Variants in TCF7L1 observed in about 807,000 individuals in gnomAD.
TCF7L1 encodes the protein transcription factor 7-like 1.
TCF7L1 carries 18 observed loss-of-function variants against 63.7 expected under a neutral mutation model. That is an observed-to-expected ratio of 0.28 (90% CI 0.20 to 0.42). The LOEUF (loss-of-function observed/expected upper bound fraction) is 0.42, where lower values mean the gene tolerates loss of function less well. TCF7L1 is among the 10% of genes least tolerant of loss of function. The probability of loss-of-function intolerance (pLI) is 1.00; values close to 1 mark genes in which losing one functional copy is unlikely to be tolerated. For synonymous variants in TCF7L1, 355 were observed against 340.9 expected (o/e 1.04, Z -0.46); for missense variants, 654 against 779.3 (o/e 0.84, Z 1.91).
intron 3 of TCF7L1, among the ~76,000 whole-genome samples, chr2:85,225,495 C>G (rs568870040): frequency 3.3e-5 from 5 of 152,144 alleles, no homozygotes; most frequent in Non-Finnish European, 5.9e-5. Flanking sequence ...CCCTTCACAT[C>G]CTTTGTAAAT....
intron 3 of TCF7L1, among the ~76,000 whole-genome samples, chr2:85,165,370 C>T (rs906987284): frequency 4.8e-5 from 7 of 144,442 alleles, no homozygotes; most frequent in African/African-American, 1.7e-4. Flanking sequence ...TGAACAAGCC[C>T]AGCCTTAAAT....
intron 3 of TCF7L1, among the ~76,000 whole-genome samples, chr2:85,266,694 T>TA (rs1338781607): frequency 9.2e-5 from 14 of 152,286 alleles, no homozygotes; most frequent in African/African-American, 3.4e-4. Context: ...CTGCATGCCT[T>TA]ACGGCTTATC....
In TCF7L1 at chr2:85,133,732, G is replaced by T; in HGVS notation, c.48G>T (p.Gly16=). The T allele has an allele frequency of 1.7e-6, 2 of 1,208,088 alleles. No homozygotes were observed. The allele number at this position is 1,208,088 out of a possible 1,614,324, so 74.8% of individuals were successfully genotyped here. A position where few individuals can be genotyped will look rare whatever the true frequency, so the allele number is the denominator to read the frequency against. The change falls in exon 1 of 12, where the codon GGG becomes GGT. Residue 16 remains glycine (G), a synonymous_variant. Transcript: ENST00000282111. This position sits in a 1 kb window ranked among gnomAD's most constrained non-coding sequence, Gnocchi z 4.4. ...GGGGGGGGGS[G]GGGGSSAGAA... ...GCGGCGGCGGCGGCGGCGGCAGCGGGGGAGGCGGCGGCTCCAGCGCCGGGG... is the reference window on the plus strand; with the variant it reads ...GCGGCGGCGGCGGCGGCGGCAGCGGTGGAGGCGGCGGCTCCAGCGCCGGGG...
intron 3 of TCF7L1, among the ~76,000 whole-genome samples, chr2:85,170,016 G>A (rs1389905345): frequency 2.0e-5 from 3 of 152,184 alleles, no homozygotes; most frequent in Admixed American, 6.5e-5. Context: ...AGTTGATATC[G>A]CATAAACCTG....
chr2:85,144,427 A>C (rs1345645142), intron 3 of TCF7L1, among the ~76,000 whole-genome samples: 2 of 151,152 alleles, frequency 1.3e-5, no homozygotes, highest in Non-Finnish European at 2.9e-5. Flanking sequence ...CAAAAAAAAA[A>C]AAAAAAACAA....
intron 3 of TCF7L1, among the ~76,000 whole-genome samples, chr2:85,143,972 C>T (rs752648509): frequency 6.6e-6 from 1 of 152,174 alleles, no homozygotes; most frequent in Non-Finnish European, 1.5e-5. Context: ...AAGGTGCTTA[C>T]CTGCTAACAT....
intron 3 of TCF7L1, among the ~76,000 whole-genome samples, chr2:85,181,962 G>A (rs890345298): frequency 1.3e-5 from 2 of 152,110 alleles, no homozygotes; most frequent in African/African-American, 2.4e-5. Flanking sequence ...AGAACTTTGC[G>A]TAAAACTGAA....
chr2:85,227,992 CAAAA>C (rs34769307), intron 3 of TCF7L1, among the ~76,000 whole-genome samples: 2 of 79,522 alleles, frequency 2.5e-5, no homozygotes, highest in Non-Finnish European at 4.9e-5. Context: ...ACCCTGTCTC[CAAAA>C]AAAAAAAAAA....
intron 3 of TCF7L1, among the ~76,000 whole-genome samples, chr2:85,251,578 A>C (rs900921308): frequency 6.6e-6 from 1 of 152,198 alleles, no homozygotes; most frequent in African/African-American, 2.4e-5. Flanking sequence ...TTACCTCTTC[A>C]GGACAGAAGG....
chr2:85,144,743 G>T (rs1677833645), intron 3 of TCF7L1, among the ~76,000 whole-genome samples: 4 of 149,114 alleles, frequency 2.7e-5, no homozygotes, highest in South Asian at 2.1e-4. Flanking sequence ...GTGTGTGTGT[G>T]TGTGTGTATG....
chr2:85,271,746 G>A (rs1297674094), intron 3 of TCF7L1, among the ~76,000 whole-genome samples: 2 of 152,162 alleles, frequency 1.3e-5, no homozygotes, highest in Non-Finnish European at 2.9e-5. Context: ...AACTTTGATG[G>A]AGGGCTCTGT....
intron 3 of TCF7L1, among the ~76,000 whole-genome samples, chr2:85,141,945 A>G (rs1269452851): frequency 6.6e-6 from 1 of 152,196 alleles, no homozygotes; most frequent in Non-Finnish European, 1.5e-5. Context: ...TTTTGTTGGC[A>G]GTAGGGAGAC....
At chr2:85,249,311 T>C (rs769209470) in intron 3 of TCF7L1, among the ~76,000 whole-genome samples, 10 of 152,240 alleles carry the variant, frequency 6.6e-5, no homozygotes, top group Non-Finnish European at 1.5e-4. Flanking sequence ...TGGGCCCCGA[T>C]TCTCGTGCAG....
chr2:85,214,334 G>A (rs1558635929), intron 3 of TCF7L1, among the ~76,000 whole-genome samples: 1 of 152,224 alleles, frequency 6.6e-6, no homozygotes, highest in East Asian at 1.9e-4. Flanking sequence ...GGCAGTCTTA[G>A]TCACCAGGAG....
At chr2:85,275,664 T>C (rs1681253964) in intron 3 of TCF7L1, among the ~76,000 whole-genome samples, 1 of 152,052 alleles carries the variant, frequency 6.6e-6, no homozygotes, top group Non-Finnish European at 1.5e-5. Context: ...ACCCCTGTAA[T>C]GCCAGCAGAA....
intron 3 of TCF7L1, among the ~76,000 whole-genome samples, chr2:85,137,612 G>C (rs889279233): frequency 2.0e-5 from 3 of 152,216 alleles, no homozygotes; most frequent in Admixed American, 6.5e-5. Context: ...ATGTAAGTTG[G>C]CTGGGTGCGG....
intron 3 of TCF7L1, among the ~76,000 whole-genome samples, chr2:85,142,600 G>A (rs1428717952): frequency 6.6e-6 from 1 of 152,088 alleles, no homozygotes; most frequent in African/African-American, 2.4e-5. Flanking sequence ...GGTCACTTAA[G>A]AGCATATAGA....
chr2:85,273,664 C>A (rs1363192695), intron 3 of TCF7L1, among the ~76,000 whole-genome samples: 1 of 152,186 alleles, frequency 6.6e-6, no homozygotes, highest in Non-Finnish European at 1.5e-5. Flanking sequence ...TGTCCTCCCA[C>A]TATAGACATA....
At chr2:85,163,216 C>T (rs1678329529) in intron 3 of TCF7L1, among the ~76,000 whole-genome samples, 1 of 152,162 alleles carries the variant, frequency 6.6e-6, no homozygotes, top group African/African-American at 2.4e-5. Flanking sequence ...CTGGAATTTT[C>T]TAAAAGCTCC....
Sources: gnomAD v4.1 joint callset for allele counts (sites outside exome capture counted in the v4.1 genomes callset) on GRCh38, gnomAD v4.1.1 for gene constraint, Gnocchi (gnomAD v3.1) non-coding constraint, MANE v1.5 for transcripts, NCBI Gene and HGNC (gene_info 2026-07-23, HGNC 2026-07-21) for gene names.